Variants in CACNG2 observed in about 807,000 individuals in gnomAD.
The protein encoded by CACNG2 is calcium voltage-gated channel auxiliary subunit gamma 2, also known as voltage-dependent calcium channel gamma-2 subunit.
CACNG2 carries 3 observed loss-of-function variants against 25.9 expected under a neutral mutation model. That is an observed-to-expected ratio of 0.12 (90% CI 0.05 to 0.30). CACNG2 has a LOEUF of 0.30. Ranked by LOEUF, CACNG2 falls within the 10% of genes least tolerant of loss-of-function variation. CACNG2 has a pLI of 1.00. For missense variants in CACNG2, 341 were observed against 432.5 expected, an observed-to-expected ratio of 0.79 and a Z score of 1.88; for synonymous variants, 167 against 173.3, an observed-to-expected ratio of 0.96 and a Z score of 0.29.
At chr22:36,698,862 G>A (rs192513945) in intron 1 of CACNG2, among the ~76,000 whole-genome samples, 2 of 152,228 alleles carry the variant, frequency 1.3e-5, no homozygotes, top group Non-Finnish European at 2.9e-5. Context: ...ATCCTTTGGG[G>A]GAGCCATGGA....
intron 1 of CACNG2, among the ~76,000 whole-genome samples, chr22:36,641,198 TA>T (rs1391447013): frequency 2.6e-5 from 4 of 152,232 alleles, no homozygotes; most frequent in Non-Finnish European, 5.9e-5. Context: ...CACCACCTGA[TA>T]AACATTTATG....
intron 1 of CACNG2, among the ~76,000 whole-genome samples, chr22:36,685,120 T>C (rs933578284): frequency 2.0e-4 from 30 of 152,314 alleles, no homozygotes; most frequent in African/African-American, 7.2e-4. Flanking sequence ...GGTTTCTCTG[T>C]GTTCTCTGTG....
intron 1 of CACNG2, among the ~76,000 whole-genome samples, chr22:36,604,720 A>G (rs1036841466): frequency 2.0e-5 from 3 of 152,244 alleles, no homozygotes; most frequent in African/African-American, 7.2e-5. Flanking sequence ...TTATGTATGT[A>G]CATTGTTTTC....
chr22:36,564,289 C>A lies in CACNG2; in HGVS notation c.*62G>T. ...CCAGCGGAGGGTCTGGGTCTCCCCG[C>A]CCCGCCCCGCCCCCGGGGACCGCGC... On this transcript the variant is annotated 3_prime_UTR_variant, in exon 4 of 4. Transcript: ENST00000300105. This position sits in a 1 kb window ranked among gnomAD's most constrained non-coding sequence, Gnocchi z 6.7. 2 of 1,503,986 alleles carry A rather than the reference C, an allele frequency of 1.3e-6. No individual in the cohort carries two copies. Among genetic ancestry groups the A allele is most frequent in the Non-Finnish European group, 9.0e-7 (1 of 1,106,634 alleles). 93.2% of individuals were successfully genotyped at this position (1,503,986 alleles called of 1,614,324 possible).
intron 1 of CACNG2, among the ~76,000 whole-genome samples, chr22:36,618,779 G>A (rs571131164): frequency 2.0e-5 from 3 of 152,230 alleles, no homozygotes; most frequent in Non-Finnish European, 4.4e-5. Flanking sequence ...AATTAGCTGG[G>A]TGTGGTGGTG....
intron 1 of CACNG2, among the ~76,000 whole-genome samples, chr22:36,655,478 T>C (rs1936688707): frequency 6.6e-6 from 1 of 152,232 alleles, no homozygotes; most frequent in Non-Finnish European, 1.5e-5. Context: ...AGTTTACATG[T>C]TTGTGTCCCT....
intron 1 of CACNG2, among the ~76,000 whole-genome samples, chr22:36,671,390 G>T (rs1050237673): frequency 6.6e-6 from 1 of 152,132 alleles, no homozygotes. Context: ...TCCCAGAATT[G>T]TTCCACTCAT....
At chr22:36,610,417 C>G (rs1294287803) in intron 1 of CACNG2, among the ~76,000 whole-genome samples, 2 of 152,220 alleles carry the variant, frequency 1.3e-5, no homozygotes, top group African/African-American at 4.8e-5. Context: ...ATCAGTCCCC[C>G]AGACCGTGAT....
intron 1 of CACNG2, among the ~76,000 whole-genome samples, chr22:36,612,826 G>A (rs531990921): frequency 2.0e-5 from 3 of 152,334 alleles, no homozygotes; most frequent in African/African-American, 7.2e-5. Flanking sequence ...GACCAAAGAA[G>A]TCTTTTGTCC....
At chr22:36,701,789 T>C (rs1937414475) in intron 1 of CACNG2, among the ~76,000 whole-genome samples, 1 of 152,154 alleles carries the variant, frequency 6.6e-6, no homozygotes, top group Non-Finnish European at 1.5e-5. Flanking sequence ...CTCATAGACA[T>C]TACGAAATGC....
chr22:36,564,514 A>T lies in CACNG2; in HGVS notation c.809T>A (p.Met270Lys). The change falls in exon 4 of 4, where the codon ATG becomes AAG. Residue 270 changes from methionine to lysine, a missense_variant. Around this residue, in one of 2 missense-constraint regions of CACNG2, gnomAD observed 172 missense variants for 178.1 expected, o/e 0.97. Coordinates refer to ENST00000300105, the MANE Select transcript of CACNG2 (RefSeq NM_006078.5). This position sits in a 1 kb window ranked among gnomAD's most constrained non-coding sequence, Gnocchi z 6.7. ...CAGGGGGTCCCTGCTGAGCGTGTACATGGAGATCTCCGTGGACGGCAGGGT... is the reference window on the plus strand; with the variant it reads ...CAGGGGGTCCCTGCTGAGCGTGTACTTGGAGATCTCCGTGGACGGCAGGGT... ...FNTLPSTEIS[M>K]YTLSRDPLKA... 6.2e-7 allele frequency: 1 copy of T among 1,614,050 alleles called. No homozygotes were observed. Among genetic ancestry groups the T allele is most frequent in the Non-Finnish European group, 8.5e-7 (1 of 1,179,964 alleles).
At chr22:36,694,374 T>A (rs969300372) in intron 1 of CACNG2, among the ~76,000 whole-genome samples, 4 of 152,228 alleles carry the variant, frequency 2.6e-5, no homozygotes, top group Non-Finnish European at 5.9e-5. Flanking sequence ...GCCTTTTATG[T>A]ACCCAGGAGA....
chr22:36,635,283 C>CAAAA, intron 1 of CACNG2, among the ~76,000 whole-genome samples: 2 of 67,632 alleles, frequency 3.0e-5, no homozygotes, highest in South Asian at 1.1e-3. Context: ...GACCCCGTCT[C>CAAAA]AAAAAAAAAA....
chr22:36,679,213 T>C (rs963525944), intron 1 of CACNG2, among the ~76,000 whole-genome samples: 7 of 143,878 alleles, frequency 4.9e-5, no homozygotes, highest in African/African-American at 1.9e-4. Context: ...TTTCTTTCTT[T>C]CTTTCTTTCT....
intron 1 of CACNG2, among the ~76,000 whole-genome samples, chr22:36,614,221 C>A (rs567226678): frequency 3.3e-5 from 5 of 152,302 alleles, no homozygotes; most frequent in African/African-American, 1.2e-4. Flanking sequence ...ACCCACCACG[C>A]TCTCTCCTAT....
chr22:36,647,002 C>T (rs1218903065), intron 1 of CACNG2, among the ~76,000 whole-genome samples: 1 of 152,100 alleles, frequency 6.6e-6, no homozygotes. Context: ...CAGCTCACAG[C>T]TCTGGAGGGC....
At chr22:36,588,912 C>T (rs973128285) in intron 1 of CACNG2, among the ~76,000 whole-genome samples, 2 of 151,246 alleles carry the variant, frequency 1.3e-5, no homozygotes, top group Non-Finnish European at 2.9e-5. Flanking sequence ...GAGACTATGT[C>T]TTATAAAATA....
At chr22:36,674,337 C>CT (rs947117339) in intron 1 of CACNG2, among the ~76,000 whole-genome samples, 3 of 151,540 alleles carry the variant, frequency 2.0e-5, no homozygotes, top group South Asian at 2.1e-4. Flanking sequence ...TTTTTGCTTG[C>CT]TTTTTTTTTG....
At chr22:36,587,161 G>A (rs967660384) in intron 2 of CACNG2, among the ~76,000 whole-genome samples, 7 of 152,080 alleles carry the variant, frequency 4.6e-5, no homozygotes, top group African/African-American at 1.7e-4. Context: ...GCATGATAAA[G>A]TACCGTCCTC....
Sources: allele counts gnomAD v4.1 joint callset (sites outside exome capture counted in the v4.1 genomes callset), GRCh38; gene constraint gnomAD v4.1.1; regional missense constraint gnomAD v4.1.1; non-coding constraint Gnocchi (gnomAD v3.1); transcripts MANE v1.5; gene names NCBI Gene and HGNC (gene_info 2026-07-23, HGNC 2026-07-21).